PRDM7: variants seen among roughly 807,000 people sequenced by gnomAD.
PRDM7 encodes the protein PR/SET domain 7.
PRDM7 carries 52 observed loss-of-function variants against 64.3 expected under a neutral mutation model. The ratio of observed to expected loss-of-function variants is 0.81; its 90% CI spans 0.65 to 1.02. PRDM7 has a LOEUF of 1.02. Ranked by LOEUF, PRDM7 falls within the 50% of genes least tolerant of loss-of-function variation. The probability of loss-of-function intolerance (pLI) is 0.00; values close to 1 mark genes in which losing one functional copy is unlikely to be tolerated. For synonymous variants in PRDM7, 192 were observed against 210.1 expected (o/e 0.91, Z 0.74); for missense variants, 574 against 597.1 (o/e 0.96, Z 0.40).
intron 4 of PRDM7, among the ~76,000 whole-genome samples, chr16:90,067,544 T>C (rs556580102): frequency 5.3e-5 from 8 of 149,808 alleles, no homozygotes; most frequent in Admixed American, 2.7e-4. Flanking sequence ...AAACTAGGAA[T>C]AGAAGGAAAT....
chr16:90,070,936 A>G (rs1366027976), intron 4 of PRDM7, among the ~76,000 whole-genome samples: 1 of 152,220 alleles, frequency 6.6e-6, no homozygotes, highest in Admixed American at 6.5e-5. Context: ...GCTTAACATC[A>G]CTAATCATTA....
At position 90,060,380 on chromosome 16, in the gene PRDM7, A is replaced by G. The variant is rs1014735047; in HGVS notation, c.1194T>C (p.Ser398=). The G allele has an allele frequency of 6.2e-7, 1 of 1,613,690 alleles. No homozygotes were observed. The highest frequency in any genetic ancestry group is 1.3e-5 in the African/African-American group (1 of 74,848). The part of the protein sequence containing the change: ...GMSMARNWAS[S]GAASGRKSSW... ...AGCTCTTTCTTCCACTTGCTGCCCC[A>G]CTTGATGCCCAGTTCCTGGCCATAC... The change falls in exon 10 of 11, where the codon AGT becomes AGC. Residue 398 remains serine (S), a synonymous_variant. Coordinates refer to ENST00000449207, the MANE Select transcript of PRDM7 (RefSeq NM_001098173.2).
intron 5 of PRDM7, among the ~76,000 whole-genome samples, chr16:90,064,782 G>C (rs556575144): frequency 6.7e-6 from 1 of 150,122 alleles, no homozygotes; most frequent in Non-Finnish European, 1.5e-5. Flanking sequence ...GCAGTGGCAC[G>C]ATCTCAGCTA....
rs758306818 is a variant in PRDM7, at chr16:90,060,507, C to T, written c.1067G>A (p.Trp356Ter). The stretch of plus-strand genomic sequence containing the variant: ...TTCCTGGCCATACTCATCCCCAGAC[C>T]AGACCAGCAGTTCACAGCCTGGCCT... ...VIRPGCELLV[W>*]SGDEYGQELG... Residue 356 changes from tryptophan (W) to a stop codon, truncating the protein, a stop_gained, in exon 10 of 11, where the codon TGG becomes TAG. Transcript: ENST00000449207. LOFTEE classifies it high-confidence loss of function. The T allele has an allele frequency of 1.9e-6, 3 of 1,613,840 alleles. No homozygotes were observed. Among genetic ancestry groups the T allele is most frequent in the Non-Finnish European group, 1.7e-6 (2 of 1,179,904 alleles).
At chr16:90,074,280 ATCG>A (rs1206129767) in intron 4 of PRDM7, among the ~76,000 whole-genome samples, 58 of 94,228 alleles carry the variant, frequency 6.2e-4, no homozygotes, top group Non-Finnish European at 8.8e-4. Flanking sequence ...AACAATCATC[ATCG>A]TCATCATCAT....
At chr16:90,063,223 A>T (rs1364144292) in intron 6 of PRDM7, among the ~76,000 whole-genome samples, 1 of 152,158 alleles carries the variant, frequency 6.6e-6, no homozygotes, top group African/African-American at 2.4e-5. Context: ...AGCTGAGCAG[A>T]TTACTTGAGG....
chr16:90,058,085 C>T lies in PRDM7; in HGVS notation c.*204G>A. 6.2e-7 allele frequency: 1 copy of T among 1,613,764 alleles called. No individual in the cohort carries two copies. The highest frequency in any genetic ancestry group is 1.1e-5 in the South Asian group (1 of 91,074). Reference sequence around the variant, plus strand: ...ATAACATCTGACTTATCACTGAAACCTTGCCCACACTCTCCATATTTGACT... The same window carrying T: ...ATAACATCTGACTTATCACTGAAACTTTGCCCACACTCTCCATATTTGACT... On this transcript the variant is annotated 3_prime_UTR_variant, in exon 11 of 11. Coordinates refer to ENST00000449207, the MANE Select transcript of PRDM7 (RefSeq NM_001098173.2).
chr16:90,071,352 A>G (rs2037952721), intron 4 of PRDM7, among the ~76,000 whole-genome samples: 1 of 152,200 alleles, frequency 6.6e-6, no homozygotes, highest in Admixed American at 6.5e-5. Context: ...GCTGGTCTCG[A>G]ACTCCTGACC....
At position 90,075,956 on chromosome 16, in the gene PRDM7, G is replaced by A; in HGVS notation, c.-46C>T. 6.3e-7 allele frequency: 1 copy of A among 1,595,912 alleles called. No individual in the cohort carries two copies. The highest frequency in any genetic ancestry group is 8.6e-7 in the Non-Finnish European group (1 of 1,168,528). ...GGCCCTGCTCCAATTCTGAGTGTGG[G>A]AAGGGCCCCTGAGTCTCCCAGCTCC... is the stretch of plus-strand genomic sequence containing the variant. On this transcript the variant is annotated 5_prime_UTR_variant, in exon 2 of 11. Coordinates refer to ENST00000449207, the MANE Select transcript of PRDM7 (RefSeq NM_001098173.2). The surrounding 1 kb of genome is among the most constrained non-coding windows in gnomAD (Gnocchi z 4.3).
At chr16:90,068,214 G>A (rs1360055593) in intron 4 of PRDM7, among the ~76,000 whole-genome samples, 2 of 150,698 alleles carry the variant, frequency 1.3e-5, no homozygotes, top group Non-Finnish European at 2.9e-5. Context: ...GGGAGGCAGA[G>A]GTTGCAGTGA....
At position 90,062,440 on chromosome 16, in the gene PRDM7, A is replaced by T. The variant is rs1349237835; in HGVS notation, c.571T>A (p.Tyr191Asn). 2 of 1,614,100 alleles carry T rather than the reference A, an allele frequency of 1.2e-6. No homozygotes were observed. Among genetic ancestry groups the T allele is most frequent in the South Asian group, 2.2e-5 (2 of 91,082 alleles). ...TCCTGTGGCTCGCTGATCTCTTTGT[A>T]TGCATGACCCTTTCTTTCTCGCAGG... The part of the protein sequence containing the change: ...YSLRERKGHA[Y>N]KEISEPQDDD... The change falls in exon 7 of 11, where the codon TAC (tyrosine) becomes AAC (asparagine). Residue 191 changes from tyrosine to asparagine, a missense_variant. Transcript: ENST00000449207.
At position 90,058,419 on chromosome 16, in the gene PRDM7, A is replaced by C; in HGVS notation, c.1349T>G (p.Leu450Arg). 6.2e-7 allele frequency: 1 copy of C among 1,614,204 alleles called. No individual in the cohort carries two copies. The highest frequency in any genetic ancestry group is 8.5e-7 in the Non-Finnish European group (1 of 1,180,030). The part of the protein sequence containing the change: ...ITPLRTSQDH[L>R]QENFSNQRIP... ...TCTCTGGTTGGAGAAGTTTTCTTGCAGATGGTCCTGGGAAGTTCTGAGAGG... is the reference window on the plus strand; with the variant it reads ...TCTCTGGTTGGAGAAGTTTTCTTGCCGATGGTCCTGGGAAGTTCTGAGAGG... The change falls in exon 11 of 11, where the codon CTG becomes CGG. Residue 450 changes from leucine to arginine, a missense_variant. Physicochemically the swap from Leu to Arg is moderately radical, Grantham distance 102 (BLOSUM62 -2). Transcript: ENST00000449207.
intron 1 of PRDM7, 111 bp from the exon 2 acceptor site, chr16:90,076,106 T>C: frequency 1.5e-6 from 1 of 653,210 alleles, no homozygotes; most frequent in Non-Finnish European, 2.6e-6. Flanking sequence ...ACTGGGTTCC[T>C]GGTGAGGTCT....
At chr16:90,059,703 C>T (rs2037738659) in intron 10 of PRDM7, among the ~76,000 whole-genome samples, 1 of 152,136 alleles carries the variant, frequency 6.6e-6, no homozygotes, top group African/African-American at 2.4e-5. Flanking sequence ...CACACTGACC[C>T]CCAGGTCTCA....
chr16:90,067,917 C>T (rs11641713), intron 4 of PRDM7, among the ~76,000 whole-genome samples: 1 of 151,040 alleles, frequency 6.6e-6, no homozygotes, highest in Admixed American at 6.6e-5. Context: ...ACATCATAGT[C>T]GATGATGAAA....
chr16:90,072,728 A>G (rs570677566), intron 4 of PRDM7, among the ~76,000 whole-genome samples: 2 of 152,344 alleles, frequency 1.3e-5, no homozygotes, highest in South Asian at 2.1e-4. Flanking sequence ...ATGTTGTTTG[A>G]TTTCCACAAT....
In PRDM7 at chr16:90,058,410, T is replaced by A. The variant is rs768458454; in HGVS notation, c.1358A>T (p.Asn453Ile). 1.1e-5 allele frequency: 17 copies of A among 1,613,982 alleles called. No individual in the cohort carries two copies. Among genetic ancestry groups the A allele is most frequent in the Non-Finnish European group, 1.4e-5 (16 of 1,180,020 alleles). ...LRTSQDHLQE[N>I]FSNQRIPAQG... The stretch of plus-strand genomic sequence containing the variant: ...GGCAGGGATTCTCTGGTTGGAGAAG[T>A]TTTCTTGCAGATGGTCCTGGGAAGT... The change falls in exon 11 of 11, where the codon AAC becomes ATC. Residue 453 changes from asparagine to isoleucine, a missense_variant. By Grantham distance (149) the Asn-to-Ile change is moderately radical. Coordinates refer to ENST00000449207, the MANE Select transcript of PRDM7 (RefSeq NM_001098173.2).
chr16:90,071,980 C>A (rs1167474833), intron 4 of PRDM7, among the ~76,000 whole-genome samples: 1 of 152,072 alleles, frequency 6.6e-6, no homozygotes, highest in Non-Finnish European at 1.5e-5. Context: ...ATCATGAGGT[C>A]AGGAGATCGA....
intron 6 of PRDM7, among the ~76,000 whole-genome samples, chr16:90,063,371 G>A (rs146186978): frequency 4.8e-4 from 73 of 151,924 alleles, no homozygotes; most frequent in African/African-American, 1.7e-3. Flanking sequence ...CGTGGAGGCA[G>A]AGGTTGCAGT....
Sources: allele counts gnomAD v4.1 joint callset (sites outside exome capture counted in the v4.1 genomes callset), GRCh38; gene constraint gnomAD v4.1.1; non-coding constraint Gnocchi (gnomAD v3.1); transcripts MANE v1.5; gene names NCBI Gene and HGNC (gene_info 2026-07-23, HGNC 2026-07-21).